Variants in IFT43 observed in about 807,000 individuals in gnomAD.
IFT43 encodes intraflagellar transport 43.
A neutral mutation model predicts 32.3 loss-of-function variants in IFT43; 33 were observed. The observed-to-expected ratio is 1.02, with a 90% CI of 0.77 to 1.37. The LOEUF is 1.37. IFT43 is among the 40% of genes most tolerant of loss of function. The pLI is 0.00. For synonymous variants in IFT43, 93 were observed against 98.2 expected (o/e 0.95, Z 0.31); for missense variants, 274 against 265.9 (o/e 1.03, Z -0.21).
intron 3 of IFT43, among the ~76,000 whole-genome samples, chr14:76,034,598 G>A (rs2036566310): frequency 6.6e-6 from 1 of 152,234 alleles, no homozygotes; most frequent in Admixed American, 6.5e-5. Flanking sequence ...TAGAAGGGCT[G>A]TTTATGAATC....
At chr14:75,990,024 C>CT (rs2035606277) in intron 2 of IFT43, among the ~76,000 whole-genome samples, 1 of 152,222 alleles carries the variant, frequency 6.6e-6, no homozygotes, top group East Asian at 1.9e-4. Flanking sequence ...AGAATCATTA[C>CT]TTTAAGATAA....
At chr14:76,028,515 C>T (rs1566715077) in intron 3 of IFT43, among the ~76,000 whole-genome samples, 2 of 152,086 alleles carry the variant, frequency 1.3e-5, no homozygotes, top group African/African-American at 4.8e-5. Flanking sequence ...AGGTTTGTTA[C>T]AGGGGTATGT....
chr14:76,029,117 C>T (rs993911119), intron 3 of IFT43, among the ~76,000 whole-genome samples: 1 of 152,136 alleles, frequency 6.6e-6, no homozygotes, highest in Non-Finnish European at 1.5e-5. Context: ...TTTCAGAAGC[C>T]TCACCAACAT....
At chr14:76,035,512 C>T (rs1387163283) in intron 3 of IFT43, among the ~76,000 whole-genome samples, 1 of 152,132 alleles carries the variant, frequency 6.6e-6, no homozygotes, top group Non-Finnish European at 1.5e-5. Flanking sequence ...GGCTTCTGTC[C>T]TCTCCCTTTA....
intron 2 of IFT43, among the ~76,000 whole-genome samples, chr14:75,998,434 AGAG>A (rs2035788250): frequency 1.3e-5 from 2 of 152,206 alleles, no homozygotes; most frequent in African/African-American, 4.8e-5. Context: ...TTTTAGAGTA[AGAG>A]GAGAGGGCTT....
intron 3 of IFT43, among the ~76,000 whole-genome samples, chr14:76,027,349 C>CCCTT (rs71122512): frequency 3.4e-5 from 5 of 146,780 alleles, no homozygotes; most frequent in South Asian, 2.2e-4. Context: ...CACACACACA[C>CCCTT]TTTTTCCCAA....
chr14:76,050,614 A>G (rs552575270), intron 3 of IFT43, among the ~76,000 whole-genome samples: 5 of 152,060 alleles, frequency 3.3e-5, no homozygotes, highest in African/African-American at 1.2e-4. Context: ...ACACCGCTGT[A>G]CCCATCTGGT....
chr14:76,010,370 CCCT>C (rs1370063983), intron 2 of IFT43, among the ~76,000 whole-genome samples: 1 of 152,088 alleles, frequency 6.6e-6, no homozygotes, highest in East Asian at 1.9e-4. Context: ...CATGCTGGTA[CCCT>C]CCTCCATACC....
chr14:76,049,008 T>C (rs1192474703), intron 3 of IFT43, among the ~76,000 whole-genome samples: 1 of 152,156 alleles, frequency 6.6e-6, no homozygotes, highest in African/African-American at 2.4e-5. Flanking sequence ...GAGAAGATGG[T>C]GGGTTAGTTA....
intron 6 of IFT43, 109 bp downstream of exon 6, chr14:76,082,476 G>C: frequency 8.3e-7 from 1 of 1,209,006 alleles, no homozygotes; most frequent in Non-Finnish European, 1.2e-6. Flanking sequence ...CTGGTGTTGG[G>C]CTCCATCCAG....
intron 2 of IFT43, among the ~76,000 whole-genome samples, chr14:76,017,784 T>A (rs1394628288): frequency 6.6e-6 from 1 of 152,188 alleles, no homozygotes; most frequent in Admixed American, 6.5e-5. Flanking sequence ...CTTGGTAGGT[T>A]GTACGTGTCC....
chr14:76,082,205 GT>G (rs2037522754), intron 5 of IFT43, 89 bp from the exon 6 acceptor site: 7 of 1,151,148 alleles, frequency 6.1e-6, no homozygotes, highest in Non-Finnish European at 9.2e-6. Flanking sequence ...CCCATGGCTG[GT>G]GTGTTGAAGG....
intron 1 of IFT43, among the ~76,000 whole-genome samples, chr14:75,986,913 C>G (rs533454606): frequency 6.6e-6 from 1 of 152,260 alleles, no homozygotes; most frequent in East Asian, 1.9e-4. Flanking sequence ...TTATTGAGCC[C>G]CTACTGTGTA....
intron 3 of IFT43, among the ~76,000 whole-genome samples, chr14:76,041,924 A>G (rs1375172842): frequency 6.6e-6 from 1 of 152,166 alleles, no homozygotes; most frequent in Non-Finnish European, 1.5e-5. Flanking sequence ...GTTGGTGGAC[A>G]TTTAGGTTCT....
In IFT43 at chr14:76,034,532, A is replaced by G. The variant is rs759670967; in HGVS notation, c.215+12138A>G. The stretch of plus-strand genomic sequence containing the variant: ...AACTCTGTTGGGTAGATTCTGTTCA[A>G]TAAGCTAGGTATCCCTGTGCAAAGA... On this transcript the variant is annotated intron_variant, in intron 3 of 8. Transcript: ENST00000314067. Among the ~76,000 whole-genome samples the G allele has an allele frequency of 2.0e-5, 3 of 152,362 alleles. No homozygotes were observed. In the South Asian group the frequency reaches 6.2e-4, roughly 32 times the overall value.
intron 2 of IFT43, among the ~76,000 whole-genome samples, chr14:76,012,763 CTCTT>C (rs149915841): frequency 0.013 from 1,957 of 152,276 alleles, 53 homozygotes; most frequent in African/African-American, 0.045. Flanking sequence ...TATTTTAAGA[CTCTT>C]TCTTTTTTTA....
intron 2 of IFT43, among the ~76,000 whole-genome samples, chr14:76,006,288 G>C (rs1215284061): frequency 1.3e-5 from 2 of 152,192 alleles, no homozygotes; most frequent in African/African-American, 2.4e-5. Context: ...GGGCAGGAGT[G>C]GGGAGGGTCT....
chr14:76,016,223 G>A (rs1272952620), intron 2 of IFT43, among the ~76,000 whole-genome samples: 1 of 151,990 alleles, frequency 6.6e-6, no homozygotes, highest in African/African-American at 2.4e-5. Context: ...ATTTTGATTT[G>A]ATTTTTGTAT....
chr14:76,060,244 G>C (rs2037104510), intron 5 of IFT43, among the ~76,000 whole-genome samples: 1 of 152,086 alleles, frequency 6.6e-6, no homozygotes, highest in Non-Finnish European at 1.5e-5. Flanking sequence ...TTGAGGCAGA[G>C]TCTCGCTGTG....
Sources: allele counts gnomAD v4.1 joint callset (sites outside exome capture counted in the v4.1 genomes callset), GRCh38; gene constraint gnomAD v4.1.1; transcripts MANE v1.5; gene names NCBI Gene and HGNC (gene_info 2026-07-23, HGNC 2026-07-21).